Variants in BMP7 observed in about 807,000 individuals in gnomAD.
BMP7 encodes osteogenic protein 1.
BMP7 carries 12 observed loss-of-function variants against 41.2 expected under a neutral mutation model. The ratio of observed to expected loss-of-function variants is 0.29; its 90% CI spans 0.19 to 0.47. The LOEUF is 0.47. Ranked by LOEUF, BMP7 falls within the 20% of genes least tolerant of loss-of-function variation. BMP7 has a pLI of 0.99. For synonymous variants in BMP7, 248 were observed against 250.0 expected, an observed-to-expected ratio of 0.99 and a Z score of 0.07; for missense variants, 467 against 606.0, an observed-to-expected ratio of 0.77 and a Z score of 2.41.
At chr20:57,195,733 A>G (rs1984476990) in intron 3 of BMP7, among the ~76,000 whole-genome samples, 1 of 152,228 alleles carries the variant, frequency 6.6e-6, no homozygotes, top group South Asian at 2.1e-4. Flanking sequence ...ATGCCCTTCA[A>G]TCCTTTAAAT....
At chr20:57,193,927 C>A (rs1205371422) in intron 3 of BMP7, among the ~76,000 whole-genome samples, 2 of 152,224 alleles carry the variant, frequency 1.3e-5, no homozygotes, top group African/African-American at 4.8e-5. Flanking sequence ...TTGGAGAAGG[C>A]CCAATCGTTG....
chr20:57,240,604 G>T (rs1328287579), intron 1 of BMP7, among the ~76,000 whole-genome samples: 1 of 149,314 alleles, frequency 6.7e-6, no homozygotes, highest in Non-Finnish European at 1.5e-5. Context: ...TCATGCTGCT[G>T]AAAAAGACAT....
chr20:57,245,759 C>T (rs1432289417), intron 1 of BMP7, among the ~76,000 whole-genome samples: 1 of 151,748 alleles, frequency 6.6e-6, no homozygotes, highest in African/African-American at 2.4e-5. Context: ...CTGCCTCAGC[C>T]TCCCGAGTAT....
chr20:57,183,845 C>T lies in BMP7; in HGVS notation c.835G>A (p.Ala279Thr), dbSNP rs1984146912. The stretch of plus-strand genomic sequence containing the variant: ...TGGACCTCCGTGGCCTTGAAGAAAG[C>T]CACCATGAAGGGCTGCTTGTTCTGG... Reference protein sequence around the residue: ...GPQNKQPFMVAFFKATEVHFR... With the variant: ...GPQNKQPFMVTFFKATEVHFR... Residue 279 changes from alanine to threonine, a missense_variant, in exon 4 of 7, where the codon GCT becomes ACT. Ala to Thr is a moderately conservative substitution (Grantham distance 58, BLOSUM62 0). Around this residue, in one of 2 missense-constraint regions of BMP7, gnomAD observed 407 missense variants for 485.9 expected, o/e 0.84. Transcript: ENST00000395863. 1.1e-5 allele frequency: 18 copies of T among 1,614,074 alleles called. No individual in the cohort carries two copies. The highest frequency in any genetic ancestry group is 1.4e-5 in the Non-Finnish European group (17 of 1,180,046).
chr20:57,230,433 C>A (rs1048346893), intron 1 of BMP7, among the ~76,000 whole-genome samples: 65 of 150,766 alleles, frequency 4.3e-4, no homozygotes, highest in Non-Finnish European at 7.4e-4. Context: ...GTCACCTTTC[C>A]AGCTCAGTCA....
intron 3 of BMP7, among the ~76,000 whole-genome samples, chr20:57,190,105 A>G (rs6123676): frequency 6.6e-6 from 1 of 152,226 alleles, no homozygotes; most frequent in Non-Finnish European, 1.5e-5. Context: ...TGAGCCAGGA[A>G]CCAGAGAGGT....
In BMP7 at chr20:57,182,201, G is replaced by A. The variant is rs1157075353; in HGVS notation, c.958+1521C>T. The stretch of plus-strand genomic sequence containing the variant: ...GAGGAGTCCCGATGCATCTTCTGGC[G>A]GACTTGACACTGCATGTGCAGGGGG... On this transcript the variant is annotated intron_variant, in intron 4 of 6. Transcript: ENST00000395863. 4.6e-5 allele frequency among the ~76,000 whole-genome samples: 7 copies of A among 152,190 alleles called. No individual in the cohort carries two copies. The East Asian group carries it at 1.2e-3, about 25-fold the overall frequency.
At chr20:57,253,544 G>T (rs943814941) in intron 1 of BMP7, among the ~76,000 whole-genome samples, 1 of 152,070 alleles carries the variant, frequency 6.6e-6, no homozygotes, top group African/African-American at 2.4e-5. Flanking sequence ...AGTCCCTGTC[G>T]TGTTAATGGG....
intron 4 of BMP7, among the ~76,000 whole-genome samples, chr20:57,182,369 G>A (rs190356890): frequency 8.5e-5 from 13 of 152,338 alleles, no homozygotes; most frequent in Admixed American, 2.0e-4. Context: ...ACCAGAGGCT[G>A]TCAATGTCGG....
In BMP7 at chr20:57,258,947, G is replaced by A. The variant is rs549552111; in HGVS notation, c.418+6758C>T. Reference sequence around the variant, plus strand: ...ACACCTACTAGGTGACAGCCTCTGCGCATGGGTGATATGATTTCTATTTCT... The same window carrying A: ...ACACCTACTAGGTGACAGCCTCTGCACATGGGTGATATGATTTCTATTTCT... On this transcript the variant is annotated intron_variant, in intron 1 of 6. Coordinates refer to ENST00000395863, the MANE Select transcript of BMP7 (RefSeq NM_001719.3). Among the ~76,000 whole-genome samples, 136 of 152,278 alleles carry A rather than the reference G, an allele frequency of 8.9e-4. No individual in the cohort carries two copies. In the South Asian group the frequency reaches 0.025, roughly 28 times the overall value.
intron 3 of BMP7, among the ~76,000 whole-genome samples, chr20:57,197,700 A>G (rs1984526108): frequency 6.6e-6 from 1 of 152,246 alleles, no homozygotes; most frequent in Admixed American, 6.5e-5. Context: ...TCATGAGCAC[A>G]GACAGGGTGC....
chr20:57,265,261 G>T (rs763628556), intron 1 of BMP7, among the ~76,000 whole-genome samples: 2 of 152,158 alleles, frequency 1.3e-5, no homozygotes, highest in Non-Finnish European at 2.9e-5. Context: ...AGGGTAAGGG[G>T]GTGCGACGGC....
intron 1 of BMP7, among the ~76,000 whole-genome samples, chr20:57,260,024 T>C (rs970369240): frequency 2.0e-5 from 3 of 152,130 alleles, no homozygotes; most frequent in Non-Finnish European, 4.4e-5. Context: ...ATAGCCGCGG[T>C]CGTACATGGG....
intron 6 of BMP7, among the ~76,000 whole-genome samples, chr20:57,172,398 G>A (rs1474880438): frequency 6.6e-6 from 1 of 152,200 alleles, no homozygotes; most frequent in Non-Finnish European, 1.5e-5. Flanking sequence ...AGGGATAGAT[G>A]AGATTTTTCT....
chr20:57,245,318 A>T (rs2066085635), intron 1 of BMP7, among the ~76,000 whole-genome samples: 2 of 152,138 alleles, frequency 1.3e-5, no homozygotes, highest in African/African-American at 2.4e-5. Flanking sequence ...AGAATATGAG[A>T]TCAAAACAAA....
At chr20:57,232,351 ACAAT>A (rs2066032551) in intron 1 of BMP7, among the ~76,000 whole-genome samples, 1 of 152,226 alleles carries the variant, frequency 6.6e-6, no homozygotes. Context: ...CAGAAGAATG[ACAAT>A]CAATGCAGAA....
intron 1 of BMP7, among the ~76,000 whole-genome samples, chr20:57,258,014 C>T (rs1052638752): frequency 5.3e-5 from 8 of 152,076 alleles, no homozygotes; most frequent in African/African-American, 2.4e-5. Flanking sequence ...AAACCCAATG[C>T]TTAGAAACAC....
In BMP7 at chr20:57,246,601, G is replaced by A. The variant is rs140026372; in HGVS notation, c.419-18180C>T. 2.0e-3 allele frequency among the ~76,000 whole-genome samples: 297 copies of A among 152,274 alleles called. 1 individual carries two copies. In the East Asian group the frequency reaches 0.025, roughly 13 times the overall value. ...GGTATGTGGTCTTGGGCCAACTACC[G>A]CTCTCTGCTCATTTATCTGCTCTGT... On this transcript the variant is annotated intron_variant, in intron 1 of 6. Transcript: ENST00000395863.
At chr20:57,219,824 C>T (rs1012984270) in intron 2 of BMP7, among the ~76,000 whole-genome samples, 2 of 152,188 alleles carry the variant, frequency 1.3e-5, no homozygotes, top group Non-Finnish European at 2.9e-5. Context: ...CTCCTAAAGG[C>T]CTTTCCTGGA....
Sources: gnomAD v4.1 joint callset for allele counts (sites outside exome capture counted in the v4.1 genomes callset) on GRCh38, gnomAD v4.1.1 for gene constraint, gnomAD v4.1.1 regional missense constraint, MANE v1.5 for transcripts, NCBI Gene and HGNC (gene_info 2026-07-23, HGNC 2026-07-21) for gene names.